The following NTAQ1 variants were observed in gnomAD, a reference collection of about 807,000 sequenced individuals.
The protein encoded by NTAQ1 is protein N-terminal glutamine amidohydrolase.
Under a neutral mutation model 28.2 loss-of-function variants are expected in NTAQ1, and 21 were observed. That is an observed-to-expected ratio of 0.74 (90% CI 0.53 to 1.07). The LOEUF is 1.07. NTAQ1 is among the 50% of genes least tolerant of loss of function. The pLI is 0.00. For missense variants in NTAQ1, 264 were observed against 256.6 expected (o/e 1.03, Z -0.20); for synonymous variants, 105 against 90.0 (o/e 1.17, Z -0.94).
chr8:123,473,513 C>T (rs942188789), downstream of NTAQ1, among the ~76,000 whole-genome samples: 3 of 152,100 alleles, frequency 2.0e-5, no homozygotes, highest in Non-Finnish European at 4.4e-5. Flanking sequence ...AGGCTGGTCT[C>T]GAACTCCTGA....
At chr8:123,453,984 A>G (rs573248001) in intron 6 of NTAQ1, among the ~76,000 whole-genome samples, 1 of 152,162 alleles carries the variant, frequency 6.6e-6, no homozygotes, top group Non-Finnish European at 1.5e-5. Flanking sequence ...GTAATCAGAT[A>G]ATGGGTCACT....
At chr8:123,436,623 T>A (rs1226374771) in intron 4 of NTAQ1, 22 bp downstream of exon 4, 3 of 1,597,958 alleles carry the variant, frequency 1.9e-6, no homozygotes, top group Non-Finnish European at 2.6e-6. Context: ...CAAGATGGAT[T>A]TACTTATTTT....
At chr8:123,461,594 T>G (rs1815826295) in intron 6 of NTAQ1, among the ~76,000 whole-genome samples, 1 of 152,234 alleles carries the variant, frequency 6.6e-6, no homozygotes, top group Non-Finnish European at 1.5e-5. Flanking sequence ...TCTGCTATAA[T>G]GACACCCTAG....
downstream of NTAQ1, among the ~76,000 whole-genome samples, chr8:123,470,504 T>C (rs1816030813): frequency 6.6e-6 from 1 of 152,184 alleles, no homozygotes; most frequent in South Asian, 2.1e-4. Context: ...TAGTGGAGTG[T>C]GTAAGTGGAG....
intron 2 of NTAQ1, 138 bp downstream of exon 2, chr8:123,428,161 A>C: frequency 1.7e-6 from 1 of 579,348 alleles, no homozygotes; most frequent in Non-Finnish European, 2.8e-6. Flanking sequence ...AGCAACATTT[A>C]AAAGCTTGCT....
At chr8:123,455,648 C>T (rs1815628296) in intron 6 of NTAQ1, among the ~76,000 whole-genome samples, 1 of 151,916 alleles carries the variant, frequency 6.6e-6, no homozygotes, top group Admixed American at 6.6e-5. Flanking sequence ...TGGTCTGGAA[C>T]CCCTGAGCTC....
At chr8:123,458,254 A>C (rs1321379753) in intron 6 of NTAQ1, among the ~76,000 whole-genome samples, 2 of 141,336 alleles carry the variant, frequency 1.4e-5, no homozygotes, top group African/African-American at 5.2e-5. Context: ...TTTTTTTTTC[A>C]AACAAACACA....
chr8:123,437,995 G>C (rs1814829176), intron 5 of NTAQ1: 1 of 582,146 alleles, frequency 1.7e-6, no homozygotes, highest in Non-Finnish European at 3.1e-6. Flanking sequence ...GTAGGGTTTT[G>C]TGCTGTGGTG....
chr8:123,423,021 C>G (rs1813804630), intron 1 of NTAQ1, among the ~76,000 whole-genome samples: 2 of 152,150 alleles, frequency 1.3e-5, no homozygotes. Context: ...TGTTTTTGTA[C>G]CAGTACCATG....
chr8:123,453,256 T>TA (rs1196740932), intron 6 of NTAQ1, among the ~76,000 whole-genome samples: 1 of 152,158 alleles, frequency 6.6e-6, no homozygotes, highest in Non-Finnish European at 1.5e-5. Flanking sequence ...TGGCCCCCGT[T>TA]ACAGTTTTGC....
At chr8:123,428,383 A>G (rs1814197991) in intron 2 of NTAQ1, among the ~76,000 whole-genome samples, 1 of 151,968 alleles carries the variant, frequency 6.6e-6, no homozygotes, top group African/African-American at 2.4e-5. Flanking sequence ...TTTTTAGTAG[A>G]GATGGGGTTT....
chr8:123,449,859 T>TTC (rs112959997), downstream of NTAQ1, among the ~76,000 whole-genome samples: 20,196 of 111,082 alleles, frequency 0.18, 1,952 homozygotes, highest in Non-Finnish European at 0.23. Context: ...GCTCGCTGCT[T>TTC]TCTCTCTCTC....
chr8:123,430,308 A>G (rs1250430197), intron 3 of NTAQ1, among the ~76,000 whole-genome samples: 1 of 152,198 alleles, frequency 6.6e-6, no homozygotes, highest in Non-Finnish European at 1.5e-5. Context: ...CACAGGAAGG[A>G]ACTTTGGCTA....
chr8:123,473,317 A>G (rs1816059999), downstream of NTAQ1, among the ~76,000 whole-genome samples: 1 of 144,688 alleles, frequency 6.9e-6, no homozygotes, highest in South Asian at 2.2e-4. Flanking sequence ...TTTTTTTGAG[A>G]TGGAGTCTTG....
chr8:123,450,769 G>C (rs1182822561), downstream of NTAQ1, among the ~76,000 whole-genome samples: 1 of 151,626 alleles, frequency 6.6e-6, no homozygotes, highest in African/African-American at 2.4e-5. Flanking sequence ...ATAACTCTTT[G>C]CTTTTTTTCC....
chr8:123,462,154 T>C (rs2130427519), intron 6 of NTAQ1, among the ~76,000 whole-genome samples: 1 of 152,256 alleles, frequency 6.6e-6, no homozygotes, highest in East Asian at 1.9e-4. Flanking sequence ...CAAGCGATTC[T>C]CATGCCTTAG....
At chr8:123,435,185 T>C (rs1814629705) in intron 3 of NTAQ1, among the ~76,000 whole-genome samples, 1 of 152,200 alleles carries the variant, frequency 6.6e-6, no homozygotes, top group South Asian at 2.1e-4. Flanking sequence ...ACATTGCTCA[T>C]GTCCCTTGAT....
chr8:123,423,422 CTTCTG>C (rs1376874663), intron 1 of NTAQ1, among the ~76,000 whole-genome samples: 8 of 89,510 alleles, frequency 8.9e-5, no homozygotes, highest in African/African-American at 1.3e-4. Context: ...TTTTCCTTCT[CTTCTG>C]TTTCTCTTTT....
chr8:123,456,425 A>G (rs562581014), intron 6 of NTAQ1, among the ~76,000 whole-genome samples: 25 of 152,194 alleles, frequency 1.6e-4, no homozygotes, highest in Non-Finnish European at 5.9e-5. Context: ...TTAAATATCT[A>G]AGGCAGCAGG....
Sources: gnomAD v4.1 joint callset for allele counts (sites outside exome capture counted in the v4.1 genomes callset) on GRCh38, gnomAD v4.1.1 for gene constraint, MANE v1.5 for transcripts, NCBI Gene and HGNC (gene_info 2026-07-23, HGNC 2026-07-21) for gene names.